The following NTN1 variants were observed in gnomAD, a reference collection of about 807,000 sequenced individuals.
NTN1 encodes netrin-1.
Under a neutral mutation model 54.2 loss-of-function variants are expected in NTN1, and 11 were observed. The ratio of observed to expected loss-of-function variants is 0.20; its 90% CI spans 0.13 to 0.34. The LOEUF (loss-of-function observed/expected upper bound fraction) is 0.34, where lower values mean the gene tolerates loss of function less well. Among genes scored for constraint, NTN1 ranks in the 10% least tolerant of loss-of-function variants. The pLI, the probability that NTN1 is intolerant of heterozygous loss-of-function variation, is 1.00. For missense variants in NTN1, 740 were observed against 893.1 expected (o/e 0.83, Z 2.18); for synonymous variants, 371 against 382.0 (o/e 0.97, Z 0.33).
In NTN1 at chr17:9,204,193, C is replaced by T. The variant is rs9902530; in HGVS notation, c.1412-16975C>T. 2.2e-3 allele frequency among the ~76,000 whole-genome samples: 317 copies of T among 147,090 alleles called. 4 individuals are homozygous for T. In the East Asian group the frequency reaches 0.022, roughly 10 times the overall value. On this transcript the variant is annotated intron_variant, in intron 5 of 6. Coordinates refer to ENST00000173229, the MANE Select transcript of NTN1 (RefSeq NM_004822.3). ...TAGTAACCGTTCCTTCCTTCCTTCCCTCCTTCCTTCCTTCCTTCCTTCCTT... is the reference window on the plus strand; with the variant it reads ...TAGTAACCGTTCCTTCCTTCCTTCCTTCCTTCCTTCCTTCCTTCCTTCCTT...
At chr17:9,217,409 GA>G (rs1359708550) in intron 5 of NTN1, among the ~76,000 whole-genome samples, 1 of 152,116 alleles carries the variant, frequency 6.6e-6, no homozygotes, top group Non-Finnish European at 1.5e-5. Flanking sequence ...GGCTGTTTTG[GA>G]ACAAAACAAG....
At chr17:9,116,897 C>T (rs1423783651) in intron 2 of NTN1, among the ~76,000 whole-genome samples, 1 of 152,202 alleles carries the variant, frequency 6.6e-6, no homozygotes, top group Non-Finnish European at 1.5e-5. Flanking sequence ...AAGCATGGGG[C>T]ACATCCTATT....
At chr17:9,049,416 A>G (rs1197230569) in intron 2 of NTN1, among the ~76,000 whole-genome samples, 2 of 152,236 alleles carry the variant, frequency 1.3e-5, no homozygotes, top group Non-Finnish European at 2.9e-5. Flanking sequence ...CAGAATTAAC[A>G]TCACCAGTAA....
chr17:9,104,121 C>T (rs933731595), intron 2 of NTN1, among the ~76,000 whole-genome samples: 1 of 145,006 alleles, frequency 6.9e-6, no homozygotes, highest in African/African-American at 2.5e-5. Context: ...AGACAAGTAC[C>T]GTATGATTCC....
rs374099708 is a variant in NTN1, at chr17:9,243,355, G to C, written c.*3387G>C. ...GCCTCAGTCGCGGCATGCTGGAGAG[G>C]GGTACGGACTTACTTTCTTGGAGTT... On this transcript the variant is annotated 3_prime_UTR_variant, in exon 7 of 7. Transcript: ENST00000173229. 1.4e-4 allele frequency: 21 copies of C among 149,694 alleles called. No individual in the cohort carries two copies. The highest frequency in any genetic ancestry group is 4.9e-4 in the African/African-American group (19 of 39,028). The allele number at this position is 149,694 out of a possible 1,614,324, so 9.3% of individuals were successfully genotyped here. A position where few individuals can be genotyped will look rare whatever the true frequency, so the allele number is the denominator to read the frequency against.
intron 2 of NTN1, among the ~76,000 whole-genome samples, chr17:9,078,949 C>T (rs2092060702): frequency 6.6e-6 from 1 of 152,214 alleles, no homozygotes; most frequent in Admixed American, 6.5e-5. Context: ...TTTAGGAACT[C>T]TGGAGTGCAT....
At chr17:9,022,119 G>A (rs1462795902) in intron 1 of NTN1, among the ~76,000 whole-genome samples, 192 bp from the exon 2 acceptor site, 2 of 152,174 alleles carry the variant, frequency 1.3e-5, no homozygotes, top group African/African-American at 4.8e-5. Context: ...GGGGAAGAAG[G>A]GGCGCGAGCG....
intron 2 of NTN1, among the ~76,000 whole-genome samples, chr17:9,041,298 A>AT (rs2091920747): frequency 6.6e-6 from 1 of 152,058 alleles, no homozygotes; most frequent in Non-Finnish European, 1.5e-5. Context: ...ATCCTATAAC[A>AT]TTTTTGTCAT....
At chr17:9,020,916 C>A (rs1474235733), upstream of NTN1, among the ~76,000 whole-genome samples, 3 of 152,176 alleles carry the variant, frequency 2.0e-5, no homozygotes, top group Non-Finnish European at 4.4e-5. Context: ...GGCGAGCAGC[C>A]CCTCCTCGCC....
At chr17:9,183,994 C>G (rs1305124963) in intron 5 of NTN1, among the ~76,000 whole-genome samples, 1 of 152,194 alleles carries the variant, frequency 6.6e-6, no homozygotes, top group Non-Finnish European at 1.5e-5. Context: ...GGCACCCCAG[C>G]ATGGACATTC....
intron 2 of NTN1, among the ~76,000 whole-genome samples, chr17:9,053,354 G>T (rs2142200721): frequency 6.6e-6 from 1 of 152,352 alleles, no homozygotes; most frequent in East Asian, 1.9e-4. Flanking sequence ...TGTTGCTACT[G>T]TGTTACTCAG....
intron 2 of NTN1, among the ~76,000 whole-genome samples, chr17:9,141,898 C>T (rs1256690136): frequency 6.6e-6 from 1 of 152,064 alleles, no homozygotes; most frequent in Admixed American, 6.6e-5. Flanking sequence ...CCTGTCTCTA[C>T]TAAAACTACA....
intron 2 of NTN1, among the ~76,000 whole-genome samples, chr17:9,064,269 C>T (rs1185119884): frequency 6.6e-6 from 1 of 152,240 alleles, no homozygotes; most frequent in African/African-American, 2.4e-5. Flanking sequence ...CTCTAACTGA[C>T]TTCCACATCC....
rs776784254 is a variant in NTN1 at position 9,182,924 on chromosome 17, G to A, written c.1366G>A (p.Val456Ile). Residue 456 changes from valine (V) to isoleucine (I), a missense_variant, in exon 5 of 7, where the codon GTA (valine) becomes ATA (isoleucine). Coordinates refer to ENST00000173229, the MANE Select transcript of NTN1 (RefSeq NM_004822.3). ...TCTTGAACCTCACAAAGAGATCCCT[G>A]TAGCGCCGCCGACGACTGCAGCCAG... ...SPIAPCIKIP[V>I]APPTTAASSV... 10 of 1,614,120 alleles carry A rather than the reference G, an allele frequency of 6.2e-6. No individual in the cohort carries two copies. Among genetic ancestry groups the A allele is most frequent in the Non-Finnish European group, 7.6e-6 (9 of 1,180,024 alleles).
At chr17:9,231,108 G>A (rs1325756323) in intron 6 of NTN1, among the ~76,000 whole-genome samples, 1 of 152,176 alleles carries the variant, frequency 6.6e-6, no homozygotes, top group African/African-American at 2.4e-5. Flanking sequence ...GCAGAGCGCG[G>A]GTGGGCATTT....
Position 9,023,387 on chromosome 17 carries a change from C to T in NTN1, c.1014C>T (p.Cys338=). 1 of 1,435,774 alleles carries T rather than the reference C, an allele frequency of 7.0e-7. No homozygotes were observed. Among genetic ancestry groups the T allele is most frequent in the East Asian group, 2.8e-5 (1 of 36,000 alleles). 88.9% of individuals were successfully genotyped at this position (1,435,774 alleles called of 1,614,324 possible). The change falls in exon 2 of 7, where the codon TGC becomes TGT. Residue 338 remains cysteine (C), a synonymous_variant. Transcript: ENST00000173229. ...QRATAREANE[C]VACNCNLHAR... ...CCACAGCCCGCGAAGCCAACGAGTG[C>T]GTGGGTGAGTGGGGTGCGGCGGCGG...
rs187658621 is a variant in NTN1 at position 9,186,746 on chromosome 17, G to A, written c.1411+3777G>A. Reference sequence around the variant, plus strand: ...GGTTGACCTTAGAGAAGTCACTTCCGGTGGCCTCTCGGCACCTCCACTTTT... The same window carrying A: ...GGTTGACCTTAGAGAAGTCACTTCCAGTGGCCTCTCGGCACCTCCACTTTT... On this transcript the variant is annotated intron_variant, in intron 5 of 6. Coordinates refer to ENST00000173229, the MANE Select transcript of NTN1 (RefSeq NM_004822.3). Among the ~76,000 whole-genome samples the A allele has an allele frequency of 3.2e-3, 492 of 152,308 alleles. 1 individual carries two copies. The highest frequency in any genetic ancestry group is 4.8e-3 in the Non-Finnish European group (326 of 68,022).
intron 3 of NTN1, chr17:9,176,172 C>CCCCCG (rs924672482): frequency 1.2e-4 from 2 of 17,312 alleles, no homozygotes; most frequent in African/African-American, 4.1e-4. Context: ...CCCTCCCCTG[C>CCCCCG]CCCCCCGTGG....
At chr17:9,132,160 C>A (rs2092267780) in intron 2 of NTN1, among the ~76,000 whole-genome samples, 1 of 152,094 alleles carries the variant, frequency 6.6e-6, no homozygotes, top group Non-Finnish European at 1.5e-5. Flanking sequence ...GAGCACTCAT[C>A]CAGTCCCTCG....
Sources: allele counts gnomAD v4.1 joint callset (sites outside exome capture counted in the v4.1 genomes callset), GRCh38; gene constraint gnomAD v4.1.1; transcripts MANE v1.5; gene names NCBI Gene and HGNC (gene_info 2026-07-23, HGNC 2026-07-21).